MOB1A: variants seen among roughly 807,000 people sequenced by gnomAD.
MOB1A encodes the protein MOB1 Mps One Binder homolog A.
MOB1A carries 10 observed loss-of-function variants against 25.1 expected under a neutral mutation model. The observed-to-expected ratio is 0.40, with a 90% CI of 0.25 to 0.68. MOB1A has a LOEUF of 0.68. Among genes scored for constraint, MOB1A ranks in the 30% least tolerant of loss-of-function variants. MOB1A has a pLI of 0.40. For missense variants in MOB1A, 177 were observed against 256.3 expected (o/e 0.69, Z 2.11); for synonymous variants, 81 against 79.5 (o/e 1.02, Z -0.10).
chr2:74,162,558 GAAAT>G lies in MOB1A; in HGVS notation c.409+2656_409+2659del, dbSNP rs531174114. On this transcript the variant is annotated intron_variant, in intron 4 of 5. Coordinates refer to ENST00000396049, the MANE Select transcript of MOB1A (RefSeq NM_018221.5). The stretch of plus-strand genomic sequence containing the variant: ...ATAAGCAGAGACTTTAATGAGTAAA[GAAAT>G]AAGTAATTTGTTTAAATCTAAACAC... Among the ~76,000 whole-genome samples the G allele has an allele frequency of 2.8e-3, 426 of 152,082 alleles. 3 individuals are homozygous for G. The highest frequency in any genetic ancestry group is 4.8e-3 in the Admixed American group (73 of 15,264).
intron 1 of MOB1A, among the ~76,000 whole-genome samples, chr2:74,174,647 G>A (rs1667599): frequency 0.89 from 135,822 of 152,240 alleles, 60,939 homozygotes; most frequent in East Asian, 1. Flanking sequence ...AAGTCTTCCT[G>A]CACAAAACTC....
intron 1 of MOB1A, chr2:74,173,312 G>T: frequency 2.2e-6 from 1 of 449,216 alleles, no homozygotes. Flanking sequence ...CTGGATTTTA[G>T]TTCTTGATCT....
chr2:74,158,247 G>C (rs981325174), intron 5 of MOB1A, among the ~76,000 whole-genome samples: 1 of 147,080 alleles, frequency 6.8e-6, no homozygotes, highest in African/African-American at 2.5e-5. Context: ...CTGAATTTTT[G>C]ATAAAGGGCC....
Position 74,159,148 on chromosome 2 carries a change from C to G in MOB1A, c.516G>C (p.Gln172His). Residue 172 changes from glutamine (Q) to histidine (H), a missense_variant, in exon 5 of 6, where the codon CAG becomes CAC. By Grantham distance (24) the Gln-to-His change is conservative. Coordinates refer to ENST00000396049, the MANE Select transcript of MOB1A (RefSeq NM_018221.5). ...TGTTGAGGTGGGCCTCCTCTTGCAG[C>G]TGCATCACAGAATCAAAGTGCTGGT... ...IYHQHFDSVM[Q>H]LQEEAHLNTS... 1 of 1,613,992 alleles carries G rather than the reference C, an allele frequency of 6.2e-7. No individual in the cohort carries two copies. The highest frequency in any genetic ancestry group is 8.5e-7 in the Non-Finnish European group (1 of 1,179,892).
At chr2:74,171,581 C>G (rs1336050079) in intron 2 of MOB1A, among the ~76,000 whole-genome samples, 1 of 152,106 alleles carries the variant, frequency 6.6e-6, no homozygotes, top group Non-Finnish European at 1.5e-5. Flanking sequence ...TGTACTTAGT[C>G]TACTTTTATA....
At chr2:74,176,963 C>T (rs1693491730) in intron 1 of MOB1A, among the ~76,000 whole-genome samples, 1 of 151,974 alleles carries the variant, frequency 6.6e-6, no homozygotes, top group Non-Finnish European at 1.5e-5. Context: ...CATACATCCA[C>T]GCAAAAACCT....
At chr2:74,157,486 G>C (rs1018634193) in intron 5 of MOB1A, among the ~76,000 whole-genome samples, 1 of 152,156 alleles carries the variant, frequency 6.6e-6, no homozygotes, top group Non-Finnish European at 1.5e-5. Flanking sequence ...CCAAGGAGGG[G>C]GTTGTGGGAA....
intron 1 of MOB1A, among the ~76,000 whole-genome samples, chr2:74,177,649 T>C (rs554551009): frequency 1.2e-4 from 18 of 151,724 alleles, no homozygotes; most frequent in South Asian, 4.2e-4. Flanking sequence ...ATAAAGTGGG[T>C]AAACTCTGGT....
At chr2:74,173,385 T>TTTG (rs1553445862) in intron 1 of MOB1A, among the ~76,000 whole-genome samples, 5 of 144,834 alleles carry the variant, frequency 3.5e-5, no homozygotes, top group Admixed American at 2.8e-4. Context: ...GGTTTTTTTT[T>TTTG]TTTTTTTTTT....
intron 2 of MOB1A, among the ~76,000 whole-genome samples, chr2:74,169,114 G>C (rs778673776): frequency 2.0e-5 from 3 of 152,150 alleles, no homozygotes; most frequent in Non-Finnish European, 4.4e-5. Flanking sequence ...ATAAAACAAT[G>C]CCATACTTCT....
chr2:74,154,192 CAA>C lies in MOB1A; in HGVS notation c.*2374_*2375del, dbSNP rs58662857. 25 of 76,260 alleles carry C rather than the reference CAA, an allele frequency of 3.3e-4. No individual in the cohort carries two copies. Among genetic ancestry groups the C allele is most frequent in the Non-Finnish European group, 3.3e-4 (11 of 33,520 alleles). 4.7% of individuals were successfully genotyped at this position (76,260 alleles called of 1,614,324 possible). On this transcript the variant is annotated 3_prime_UTR_variant, in exon 6 of 6. Coordinates refer to ENST00000396049, the MANE Select transcript of MOB1A (RefSeq NM_018221.5). ...TGGGTGACAGAGTGAGACTCTGTCT[CAA>C]AAAAAAAAAAAAAAAAGATTGATTT...
rs1179662806 is a variant in MOB1A at position 74,155,502 on chromosome 2, C to T, written c.*1066G>A. On this transcript the variant is annotated 3_prime_UTR_variant, in exon 6 of 6. Coordinates refer to ENST00000396049, the MANE Select transcript of MOB1A (RefSeq NM_018221.5). ...TTATCTGTGTTATAAGATGTGTACA[C>T]CTTCATGGTTTATTGTGGTTTTCCT... 1.3e-5 allele frequency: 2 copies of T among 152,474 alleles called. No individual in the cohort carries two copies. Among genetic ancestry groups the T allele is most frequent in the South Asian group, 2.1e-4 (1 of 4,830 alleles). 9.4% of individuals were successfully genotyped at this position (152,474 alleles called of 1,614,324 possible).
intron 5 of MOB1A, among the ~76,000 whole-genome samples, chr2:74,157,201 A>T (rs183936809): frequency 6.2e-4 from 94 of 151,152 alleles, no homozygotes; most frequent in Middle Eastern, 3.4e-3. Context: ...GTTGATCATC[A>T]ATGGCCAATT....
At chr2:74,177,014 A>G (rs547409377) in intron 1 of MOB1A, among the ~76,000 whole-genome samples, 38 of 152,280 alleles carry the variant, frequency 2.5e-4, no homozygotes, top group African/African-American at 8.7e-4. Flanking sequence ...AATGGCCAAA[A>G]AGCGGGAACA....
In MOB1A at chr2:74,176,813, AT is replaced by A. The variant is rs540223152; in HGVS notation, c.14+1847del. 1.6e-4 allele frequency among the ~76,000 whole-genome samples: 24 copies of A among 152,128 alleles called. No homozygotes were observed. In the East Asian group the frequency reaches 4.4e-3, roughly 28 times the overall value. ...CAAGTGCTATGAGAGGTGTGGGGAA[AT>A]TGGACCCCTCATAGAGTACTTATGG... On this transcript the variant is annotated intron_variant, in intron 1 of 5. Transcript: ENST00000396049.
chr2:74,172,499 A>C (rs1334233267), intron 2 of MOB1A, 87 bp downstream of exon 2: 1 of 1,245,756 alleles, frequency 8.0e-7, no homozygotes, highest in Non-Finnish European at 1.1e-6. Context: ...ATATTAAAAC[A>C]GTTCTAACTG....
At chr2:74,162,591 C>T (rs1693003764) in intron 4 of MOB1A, among the ~76,000 whole-genome samples, 2 of 152,046 alleles carry the variant, frequency 1.3e-5, no homozygotes, top group African/African-American at 4.8e-5. Context: ...TAAACACTTT[C>T]CAAGCTGAAT....
intron 2 of MOB1A, among the ~76,000 whole-genome samples, chr2:74,171,806 G>C (rs1693302649): frequency 6.6e-6 from 1 of 152,088 alleles, no homozygotes; most frequent in Non-Finnish European, 1.5e-5. Flanking sequence ...AGGAGACTGA[G>C]ACAGGAGAAT....
chr2:74,178,647 C>T lies in MOB1A; in HGVS notation c.14+14G>A. ...GGCCCGCAGGCCCGGCGCCCGCGGCCCGACCCCACTCACAAGAGGAAGCTC... is the reference window on the plus strand; with the variant it reads ...GGCCCGCAGGCCCGGCGCCCGCGGCTCGACCCCACTCACAAGAGGAAGCTC... On this transcript the variant is annotated intron_variant, in intron 1 of 5. Coordinates refer to ENST00000396049, the MANE Select transcript of MOB1A (RefSeq NM_018221.5). The T allele has an allele frequency of 7.2e-7, 1 of 1,383,908 alleles. No individual in the cohort carries two copies. Among genetic ancestry groups the T allele is most frequent in the Non-Finnish European group, 9.4e-7 (1 of 1,062,630 alleles). The allele number at this position is 1,383,908 out of a possible 1,614,324, so 85.7% of individuals were successfully genotyped here.
Sources: allele counts gnomAD v4.1 joint callset (sites outside exome capture counted in the v4.1 genomes callset), GRCh38; gene constraint gnomAD v4.1.1; transcripts MANE v1.5; gene names NCBI Gene and HGNC (gene_info 2026-07-23, HGNC 2026-07-21).